NIPSNAP1: variants seen among roughly 807,000 people sequenced by gnomAD.
The protein encoded by NIPSNAP1 is nipsnap homolog 1.
In NIPSNAP1, 25 loss-of-function variants were observed where a neutral mutation model predicts 49.2. The observed-to-expected ratio is 0.51, with a 90% CI of 0.37 to 0.71. The LOEUF (loss-of-function observed/expected upper bound fraction) is 0.71, where lower values mean the gene tolerates loss of function less well. Among genes scored for constraint, NIPSNAP1 ranks in the 30% least tolerant of loss-of-function variants. NIPSNAP1 has a pLI of 0.00. For missense variants in NIPSNAP1, 294 were observed against 361.0 expected, an observed-to-expected ratio of 0.81 and a Z score of 1.50; for synonymous variants, 143 against 140.7, an observed-to-expected ratio of 1.02 and a Z score of -0.12.
intron 1 of NIPSNAP1, 38 bp downstream of exon 1, chr22:29,580,946 AC>A: frequency 6.8e-7 from 1 of 1,463,016 alleles, no homozygotes; most frequent in Non-Finnish European, 9.0e-7. Context: ...CCTGCACCCC[AC>A]CCCGCGCGCG....
At chr22:29,556,845 T>C (rs965060226) in intron 9 of NIPSNAP1, among the ~76,000 whole-genome samples, 20 of 150,932 alleles carry the variant, frequency 1.3e-4, no homozygotes, top group Non-Finnish European at 1.8e-4. Context: ...TGCCTTCCGG[T>C]TTCAAGCGAT....
intron 9 of NIPSNAP1, among the ~76,000 whole-genome samples, chr22:29,556,505 C>T (rs2064295576): frequency 6.6e-6 from 1 of 151,678 alleles, no homozygotes; most frequent in African/African-American, 2.4e-5. Flanking sequence ...GCCTGGGCAA[C>T]AAGAGCAAAA....
chr22:29,561,718 G>T, intron 5 of NIPSNAP1, 72 bp from the exon 6 acceptor site: 1 of 1,613,526 alleles, frequency 6.2e-7, no homozygotes, highest in Non-Finnish European at 8.5e-7. Flanking sequence ...TCATGGGGTA[G>T]CAGAGTAGTC....
chr22:29,566,843 G>T (rs907113472), intron 4 of NIPSNAP1, among the ~76,000 whole-genome samples: 10 of 151,394 alleles, frequency 6.6e-5, no homozygotes, highest in African/African-American at 2.4e-4. Flanking sequence ...AAATAAATAG[G>T]CCAGGCGCAG....
chr22:29,567,611 G>C (rs468563), intron 4 of NIPSNAP1, among the ~76,000 whole-genome samples: 16,326 of 152,130 alleles, frequency 0.11, 1,129 homozygotes, highest in South Asian at 0.16. Context: ...CCAGCACTTT[G>C]GGAGGCCAAA....
At chr22:29,577,819 A>G (rs425992) in intron 1 of NIPSNAP1, among the ~76,000 whole-genome samples, 32,005 of 149,950 alleles carry the variant, frequency 0.21, 4,218 homozygotes, top group East Asian at 0.59. Context: ...TGCAACCTCC[A>G]GCTCCCCAGT....
intron 7 of NIPSNAP1, 36 bp downstream of exon 7, chr22:29,561,135 G>C: frequency 6.3e-7 from 1 of 1,594,684 alleles, no homozygotes; most frequent in Non-Finnish European, 8.6e-7. Context: ...AGCAGGGTAC[G>C]CCTCCCCCAA....
At position 29,576,971 on chromosome 22, in the gene NIPSNAP1, G is replaced by C. The variant is rs541285900; in HGVS notation, c.98+4014C>G. ...CCTTGACCCAGAGTGACTTCACTCA[G>C]GGATCAGGGGTCCTTTCCATCCTTA... On this transcript the variant is annotated intron_variant, in intron 1 of 9. Transcript: ENST00000216121. Among the ~76,000 whole-genome samples, 189 of 150,984 alleles carry C rather than the reference G, an allele frequency of 1.3e-3. 3 individuals are homozygous for C. In the South Asian group the frequency reaches 0.019, roughly 15 times the overall value.
intron 1 of NIPSNAP1, among the ~76,000 whole-genome samples, chr22:29,570,913 T>C (rs770130756): frequency 1.3e-5 from 2 of 152,016 alleles, no homozygotes. Flanking sequence ...CCCAAAGCCC[T>C]TGACAACCCA....
At chr22:29,569,999 GAA>G (rs1445811339) in intron 3 of NIPSNAP1, 161 bp downstream of exon 3, 50 of 688,016 alleles carry the variant, frequency 7.3e-5, no homozygotes, top group South Asian at 7.2e-4. Context: ...CAAAAAAAAA[GAA>G]AGAGAGAAAG....
intron 8 of NIPSNAP1, among the ~76,000 whole-genome samples, chr22:29,559,459 C>G (rs902646264): frequency 1.3e-5 from 2 of 152,006 alleles, no homozygotes; most frequent in South Asian, 4.2e-4. Flanking sequence ...ATCACTTGAA[C>G]TTGGGAAGCG....
intron 1 of NIPSNAP1, among the ~76,000 whole-genome samples, chr22:29,575,785 G>A (rs2064447457): frequency 6.6e-6 from 1 of 151,854 alleles, no homozygotes; most frequent in Non-Finnish European, 1.5e-5. Context: ...CGTGATCTGG[G>A]CTCACTGCAA....
chr22:29,576,823 G>A (rs1409223017), intron 1 of NIPSNAP1, among the ~76,000 whole-genome samples: 2 of 150,958 alleles, frequency 1.3e-5, no homozygotes, highest in Admixed American at 1.3e-4. Flanking sequence ...TACTTGGGAG[G>A]CTGAGGCAGG....
intron 1 of NIPSNAP1, among the ~76,000 whole-genome samples, chr22:29,578,842 A>G (rs462444): frequency 0.78 from 118,162 of 150,858 alleles, 47,103 homozygotes; most frequent in African/African-American, 0.86. Flanking sequence ...CTCCTTTTAC[A>G]GCCTCTGGGT....
chr22:29,571,797 CAG>C (rs2064410007), intron 1 of NIPSNAP1, among the ~76,000 whole-genome samples: 2 of 151,548 alleles, frequency 1.3e-5, no homozygotes, highest in South Asian at 4.2e-4. Flanking sequence ...TTTTTTGAGA[CAG>C]AGTCTTGCTC....
intron 1 of NIPSNAP1, among the ~76,000 whole-genome samples, chr22:29,570,958 C>T (rs1212088786): frequency 1.3e-5 from 2 of 152,100 alleles, no homozygotes; most frequent in African/African-American, 4.8e-5. Flanking sequence ...TGCCCCCTCA[C>T]CTGTACACCT....
chr22:29,572,170 G>C (rs1303213776), intron 1 of NIPSNAP1, among the ~76,000 whole-genome samples: 2 of 151,748 alleles, frequency 1.3e-5, no homozygotes, highest in Non-Finnish European at 2.9e-5. Context: ...AGGCGTGGTG[G>C]TGTGCACCTG....
intron 1 of NIPSNAP1, among the ~76,000 whole-genome samples, chr22:29,575,417 G>A (rs2064443926): frequency 6.6e-6 from 1 of 152,108 alleles, no homozygotes; most frequent in African/African-American, 2.4e-5. Context: ...CCCTAAAGCT[G>A]TTTTCTACAG....
intron 1 of NIPSNAP1, among the ~76,000 whole-genome samples, chr22:29,571,932 C>T (rs2064411039): frequency 6.6e-6 from 1 of 151,980 alleles, no homozygotes; most frequent in Non-Finnish European, 1.5e-5. Flanking sequence ...CGTACCACCA[C>T]ATCCAGGTAA....
Sources: gnomAD v4.1 joint callset for allele counts (sites outside exome capture counted in the v4.1 genomes callset) on GRCh38, gnomAD v4.1.1 for gene constraint, MANE v1.5 for transcripts, NCBI Gene and HGNC (gene_info 2026-07-23, HGNC 2026-07-21) for gene names.